NLGN1: variants seen among roughly 807,000 people sequenced by gnomAD.
NLGN1 encodes neuroligin-1.
NLGN1 carries 12 observed loss-of-function variants against 65.5 expected under a neutral mutation model. That is an observed-to-expected ratio of 0.18 (90% confidence interval 0.12 to 0.30). NLGN1 has a LOEUF of 0.30. Ranked by LOEUF, NLGN1 falls within the 10% of genes least tolerant of loss-of-function variation. The pLI, the probability that NLGN1 is intolerant of heterozygous loss-of-function variation, is 1.00. For synonymous variants in NLGN1, 350 were observed against 359.5 expected (o/e 0.97, Z 0.30); for missense variants, 750 against 1,007.1 (o/e 0.74, Z 3.46).
intron 2 of NLGN1, among the ~76,000 whole-genome samples, chr3:173,578,394 T>C (rs1366838627): frequency 6.6e-6 from 1 of 151,972 alleles, no homozygotes; most frequent in African/African-American, 2.4e-5. Flanking sequence ...CTTTTAATTA[T>C]GTAATTAGCA....
At chr3:173,872,495 G>A (rs1731359750) in intron 4 of NLGN1, among the ~76,000 whole-genome samples, 1 of 152,162 alleles carries the variant, frequency 6.6e-6, no homozygotes, top group Admixed American at 6.5e-5. Flanking sequence ...AAAGTTTTGT[G>A]TTAAACAGAA....
At chr3:173,800,033 T>C (rs1268948995) in intron 3 of NLGN1, among the ~76,000 whole-genome samples, 9 of 149,640 alleles carry the variant, frequency 6.0e-5, no homozygotes, top group Non-Finnish European at 8.9e-5. Flanking sequence ...AAGTCTTTGC[T>C]CATGACTTGA....
chr3:173,869,298 G>T (rs1053200909), intron 4 of NLGN1, among the ~76,000 whole-genome samples: 1 of 152,074 alleles, frequency 6.6e-6, no homozygotes, highest in Admixed American at 6.6e-5. Context: ...TCTTAACATA[G>T]AAATTAATAT....
At chr3:174,231,970 A>G (rs999476270) in intron 4 of NLGN1, among the ~76,000 whole-genome samples, 5 of 152,182 alleles carry the variant, frequency 3.3e-5, no homozygotes, top group African/African-American at 1.2e-4. Context: ...CTGTGAAAGG[A>G]CTGTACATGC....
intron 2 of NLGN1, among the ~76,000 whole-genome samples, chr3:173,551,985 G>C (rs1412918067): frequency 1.3e-5 from 2 of 152,202 alleles, no homozygotes; most frequent in Middle Eastern, 3.2e-3. Flanking sequence ...AAAAGTGATA[G>C]AAAATACTCT....
chr3:173,412,565 A>G (rs1252180504), intron 1 of NLGN1, among the ~76,000 whole-genome samples: 1 of 148,870 alleles, frequency 6.7e-6, no homozygotes, highest in Non-Finnish European at 1.5e-5. Context: ...ACTCTATCTT[A>G]ATTACCACAC....
intron 4 of NLGN1, among the ~76,000 whole-genome samples, chr3:174,115,375 G>A (rs1489679590): frequency 6.6e-6 from 1 of 152,116 alleles, no homozygotes; most frequent in African/African-American, 2.4e-5. Context: ...TGAAACATGG[G>A]AAAACAAGAT....
chr3:173,705,045 T>G (rs2149904249), intron 3 of NLGN1, among the ~76,000 whole-genome samples: 1 of 152,210 alleles, frequency 6.6e-6, no homozygotes, highest in Non-Finnish European at 1.5e-5. Context: ...TAAGCCATCT[T>G]CATTCAGATC....
chr3:173,755,544 G>C (rs558865597), intron 3 of NLGN1, among the ~76,000 whole-genome samples: 1 of 152,140 alleles, frequency 6.6e-6, no homozygotes, highest in Non-Finnish European at 1.5e-5. Flanking sequence ...ATAGATGCTG[G>C]GATGGGAAAT....
intron 3 of NLGN1, among the ~76,000 whole-genome samples, chr3:173,632,335 T>G (rs1296983475): frequency 6.6e-6 from 1 of 152,182 alleles, no homozygotes; most frequent in Non-Finnish European, 1.5e-5. Context: ...CTGCTTCATT[T>G]TCCCCCAGAG....
At chr3:173,754,024 C>CTTTTTTTTTTTT (rs71162358) in intron 3 of NLGN1, among the ~76,000 whole-genome samples, 23 of 121,618 alleles carry the variant, frequency 1.9e-4, no homozygotes, top group African/African-American at 2.7e-4. Context: ...TCTTTCTTTT[C>CTTTTTTTTTTTT]TTTTTTTTTT....
chr3:173,555,001 T>C (rs1741484200), intron 2 of NLGN1, among the ~76,000 whole-genome samples: 1 of 152,222 alleles, frequency 6.6e-6, no homozygotes, highest in Admixed American at 6.5e-5. Context: ...ATTACTCCAA[T>C]GACTAAAGAT....
chr3:173,666,710 G>T (rs980008185), intron 3 of NLGN1, among the ~76,000 whole-genome samples: 1 of 152,146 alleles, frequency 6.6e-6, no homozygotes, highest in Non-Finnish European at 1.5e-5. Context: ...CTGCTCCAGT[G>T]AAAAGTTTTT....
intron 2 of NLGN1, among the ~76,000 whole-genome samples, chr3:173,451,049 T>C (rs1459128544): frequency 6.6e-6 from 1 of 152,222 alleles, no homozygotes; most frequent in Non-Finnish European, 1.5e-5. Flanking sequence ...TCTGAAGCCT[T>C]CTTCTCTCAA....
intron 2 of NLGN1, among the ~76,000 whole-genome samples, chr3:173,468,194 G>T (rs371496382): frequency 7.2e-5 from 11 of 152,054 alleles, no homozygotes; most frequent in African/African-American, 9.6e-5. Context: ...AATATTCAAT[G>T]AATAATGATT....
At chr3:174,160,720 G>A (rs980598488) in intron 4 of NLGN1, among the ~76,000 whole-genome samples, 12 of 150,590 alleles carry the variant, frequency 8.0e-5, no homozygotes, top group African/African-American at 2.4e-4. Context: ...TATTATAATA[G>A]TTTTATCATA....
At chr3:173,955,165 A>T (rs1711684794) in intron 4 of NLGN1, among the ~76,000 whole-genome samples, 1 of 152,198 alleles carries the variant, frequency 6.6e-6, no homozygotes, top group South Asian at 2.1e-4. Context: ...CAGAAATAAA[A>T]TTCTTTTTTT....
At chr3:173,546,531 T>A (rs1407036964) in intron 2 of NLGN1, among the ~76,000 whole-genome samples, 5 of 152,130 alleles carry the variant, frequency 3.3e-5, no homozygotes, top group African/African-American at 1.2e-4. Context: ...ATGAAGAAAA[T>A]CTGAGGCGTT....
At chr3:173,714,250 A>G (rs2149964190) in intron 3 of NLGN1, among the ~76,000 whole-genome samples, 1 of 152,234 alleles carries the variant, frequency 6.6e-6, no homozygotes, top group South Asian at 2.1e-4. Context: ...CATCATTGGT[A>G]GCTACGATTC....
Sources: gnomAD v4.1 joint callset for allele counts (sites outside exome capture counted in the v4.1 genomes callset) on GRCh38, gnomAD v4.1.1 for gene constraint, MANE v1.5 for transcripts, NCBI Gene and HGNC (gene_info 2026-07-23, HGNC 2026-07-21) for gene names.